The following GRB14 variants were observed in gnomAD, a reference collection of about 807,000 sequenced individuals.
GRB14 encodes growth factor receptor-bound protein 14.
Under a neutral mutation model 69.1 loss-of-function variants are expected in GRB14, and 38 were observed. The observed-to-expected ratio is 0.55, with a 90% confidence interval of 0.42 to 0.72. The LOEUF is 0.72. GRB14 is among the 30% of genes least tolerant of loss of function. The pLI, the probability that GRB14 is intolerant of heterozygous loss-of-function variation, is 0.00. For missense variants in GRB14, 666 were observed against 666.1 expected, an observed-to-expected ratio of 1.00 and a Z score of 0.00; for synonymous variants, 247 against 241.3, an observed-to-expected ratio of 1.02 and a Z score of -0.22.
intron 2 of GRB14, among the ~76,000 whole-genome samples, chr2:164,573,252 A>C (rs573505317): frequency 1.6e-4 from 24 of 152,362 alleles, no homozygotes; most frequent in Admixed American, 3.9e-4. Flanking sequence ...AATACCTAGC[A>C]GAGTGTTCTT....
At chr2:164,497,308 T>A (rs1451428112) in intron 10 of GRB14, 25 bp from the exon 11 acceptor site, 3 of 1,610,316 alleles carry the variant, frequency 1.9e-6, no homozygotes, top group African/African-American at 1.3e-5. Flanking sequence ...AGAAAACAAA[T>A]CTCAAGTTTT....
intron 2 of GRB14, among the ~76,000 whole-genome samples, chr2:164,591,440 C>A (rs2105345937): frequency 6.6e-6 from 1 of 152,232 alleles, no homozygotes; most frequent in Non-Finnish European, 1.5e-5. Context: ...CTATAATAGA[C>A]CCTCAGGCCC....
chr2:164,548,314 T>C (rs1472295784), intron 2 of GRB14, among the ~76,000 whole-genome samples: 1 of 152,226 alleles, frequency 6.6e-6, no homozygotes, highest in Non-Finnish European at 1.5e-5. Flanking sequence ...GTCCTCTGGG[T>C]TCATCCATGT....
intron 2 of GRB14, among the ~76,000 whole-genome samples, chr2:164,562,327 C>T (rs952008982): frequency 2.6e-5 from 4 of 152,130 alleles, no homozygotes; most frequent in Non-Finnish European, 5.9e-5. Flanking sequence ...TTTAAATCTA[C>T]GTTCCCAAAG....
intron 12 of GRB14, 152 bp downstream of exon 12, chr2:164,496,856 G>C: frequency 1.6e-6 from 1 of 631,708 alleles, no homozygotes; most frequent in South Asian, 1.9e-5. Context: ...GATACTGTTA[G>C]AATACAGTGA....
intron 3 of GRB14, among the ~76,000 whole-genome samples, chr2:164,546,361 A>G (rs1251775505): frequency 2.0e-5 from 3 of 152,172 alleles, no homozygotes; most frequent in African/African-American, 4.8e-5. Context: ...CATAGGATCT[A>G]TACTAAAATA....
rs1689175973 is a variant in GRB14 at position 164,573,760 on chromosome 2, T to G, written c.325-25944A>C. 5.6e-6 allele frequency: 9 copies of G among 1,610,692 alleles called. No homozygotes were observed. The South Asian group carries it at 9.9e-5, about 18-fold the overall frequency. On this transcript the variant is annotated intron_variant, in intron 2 of 13. Transcript: ENST00000263915. ...ATATTCATGCCCGTCTCTTCATATT[T>G]GAGACTTTCTGTCGCATCCACCAGT...
intron 2 of GRB14, among the ~76,000 whole-genome samples, chr2:164,553,796 C>A (rs938049715): frequency 6.6e-6 from 1 of 152,130 alleles, no homozygotes; most frequent in Non-Finnish European, 1.5e-5. Context: ...GAAACCCCAT[C>A]TCTACTAAAA....
At chr2:164,504,666 C>T (rs957388612) in intron 8 of GRB14, among the ~76,000 whole-genome samples, 1 of 152,142 alleles carries the variant, frequency 6.6e-6, no homozygotes, top group Non-Finnish European at 1.5e-5. Flanking sequence ...TCTGGAAAAG[C>T]TTCGCCATTA....
At chr2:164,529,317 A>G (rs115447658) in intron 3 of GRB14, among the ~76,000 whole-genome samples, 365 of 152,272 alleles carry the variant, frequency 2.4e-3, no homozygotes, top group Non-Finnish European at 4.3e-3. Context: ...GAAAATTAAA[A>G]TATTTCAGAG....
chr2:164,562,073 T>C (rs898342576), intron 2 of GRB14, among the ~76,000 whole-genome samples: 2 of 152,208 alleles, frequency 1.3e-5, no homozygotes, highest in African/African-American at 4.8e-5. Context: ...ATCCAACTAA[T>C]TGGTAATTAG....
intron 2 of GRB14, among the ~76,000 whole-genome samples, chr2:164,561,927 G>A (rs1688839127): frequency 6.6e-6 from 1 of 152,154 alleles, no homozygotes. Context: ...GAAAAGGCCT[G>A]AGCATTACAG....
chr2:164,600,177 C>T lies in GRB14; in HGVS notation c.324+19510G>A, dbSNP rs568676888. Among the ~76,000 whole-genome samples the T allele has an allele frequency of 3.3e-5, 5 of 152,250 alleles. 1 individual carries two copies. The South Asian group carries it at 6.2e-4, about 19-fold the overall frequency. ...CCACAGACAAAACATATTTAAACAG[C>T]GCCCCCCTGTGTGATCTACTTCAGC... On this transcript the variant is annotated intron_variant, in intron 2 of 13. Transcript: ENST00000263915.
At chr2:164,511,071 T>TA (rs2105269684) in intron 6 of GRB14, among the ~76,000 whole-genome samples, 1 of 152,266 alleles carries the variant, frequency 6.6e-6, no homozygotes, top group East Asian at 1.9e-4. Flanking sequence ...AGACCAGCCC[T>TA]AACCAGAGGG....
chr2:164,498,722 A>G (rs1686971555), intron 9 of GRB14, among the ~76,000 whole-genome samples: 1 of 152,290 alleles, frequency 6.6e-6, no homozygotes, highest in East Asian at 1.9e-4. Flanking sequence ...GGTTGCATAG[A>G]CTATAGTCAA....
rs943169345 is a variant in GRB14 at position 164,508,872 on chromosome 2, A to C, written c.817-20T>G. The C allele has an allele frequency of 6.8e-7, 1 of 1,468,538 alleles. No homozygotes were observed. The highest frequency in any genetic ancestry group is 9.3e-7 in the Non-Finnish European group (1 of 1,080,840). 91.0% of individuals were successfully genotyped at this position (1,468,538 alleles called of 1,614,324 possible). On this transcript the variant is annotated intron_variant, in intron 6 of 13. Coordinates refer to ENST00000263915, the MANE Select transcript of GRB14 (RefSeq NM_004490.3). Reference sequence around the variant, plus strand: ...CGGTTCCTTAAAAAAAAAAGTATTGACATGGATACATATTTTTGCATTATC... The same window carrying C: ...CGGTTCCTTAAAAAAAAAAGTATTGCCATGGATACATATTTTTGCATTATC...
chr2:164,507,985 T>C (rs1035350613), intron 8 of GRB14, among the ~76,000 whole-genome samples: 1 of 152,190 alleles, frequency 6.6e-6, no homozygotes, highest in African/African-American at 2.4e-5. Flanking sequence ...AATATATTCA[T>C]AGTAAAATTG....
chr2:164,504,395 T>C (rs992128064), intron 8 of GRB14, among the ~76,000 whole-genome samples: 1 of 152,038 alleles, frequency 6.6e-6, no homozygotes, highest in African/African-American at 2.4e-5. Context: ...ACTTCTACCA[T>C]CAGGTGATCC....
intron 9 of GRB14, among the ~76,000 whole-genome samples, chr2:164,499,149 C>T (rs1240296248): frequency 6.6e-6 from 1 of 152,138 alleles, no homozygotes; most frequent in Non-Finnish European, 1.5e-5. Context: ...TCTCCGTTTA[C>T]ATGCCAAGGT....
Sources: gnomAD v4.1 joint callset for allele counts (sites outside exome capture counted in the v4.1 genomes callset) on GRCh38, gnomAD v4.1.1 for gene constraint, MANE v1.5 for transcripts, NCBI Gene and HGNC (gene_info 2026-07-23, HGNC 2026-07-21) for gene names.